Variants in RARG observed in about 807,000 individuals in gnomAD.
RARG encodes the protein RAR-gamma.
A neutral mutation model predicts 43.7 loss-of-function variants in RARG; 17 were observed. That is an observed-to-expected ratio of 0.39 (90% CI 0.27 to 0.58). The LOEUF (loss-of-function observed/expected upper bound fraction) is 0.58, where lower values mean the gene tolerates loss of function less well. RARG is among the 20% of genes least tolerant of loss of function. The pLI, the probability that RARG is intolerant of heterozygous loss-of-function variation, is 0.57. For synonymous variants in RARG, 238 were observed against 236.4 expected, an observed-to-expected ratio of 1.01 and a Z score of -0.06; for missense variants, 346 against 598.7, an observed-to-expected ratio of 0.58 and a Z score of 4.40.
Position 53,215,227 on chromosome 12 carries a change from G to A in RARG, c.475+66C>T. On this transcript the variant is annotated intron_variant, in intron 5 of 9. Transcript: ENST00000425354. The surrounding 1 kb of genome is among the most constrained non-coding windows in gnomAD (Gnocchi z 6.4). ...GTCAGGGAAGTGGGAGTGGCCAGAGGAAAGAGGGCCACAGCCATAGGGTAG... is the reference window on the plus strand; with the variant it reads ...GTCAGGGAAGTGGGAGTGGCCAGAGAAAAGAGGGCCACAGCCATAGGGTAG... 2 of 1,576,730 alleles carry A rather than the reference G, an allele frequency of 1.3e-6. No individual in the cohort carries two copies. Among genetic ancestry groups the A allele is most frequent in the African/African-American group, 1.3e-5 (1 of 74,442 alleles).
At chr12:53,219,259 C>T (rs966634292) in intron 3 of RARG, among the ~76,000 whole-genome samples, 6 of 152,258 alleles carry the variant, frequency 3.9e-5, no homozygotes, top group East Asian at 3.8e-4. Flanking sequence ...ACCGCATACA[C>T]GTTTCCAAAC....
At position 53,211,968 on chromosome 12, in the gene RARG, G is replaced by GCCCA; in HGVS notation, c.1178-109_1178-106dup. On this transcript the variant is annotated intron_variant, in intron 9 of 9. Coordinates refer to ENST00000425354, the MANE Select transcript of RARG (RefSeq NM_000966.6). This position sits in a 1 kb window ranked among gnomAD's most constrained non-coding sequence, Gnocchi z 4.6. ...ACTGCCCCTGACTCCCCTAGGGGGC[G>GCCCA]CCCAGCACAGGCCCACCACCTCTCC... 1 of 848,172 alleles carries GCCCA rather than the reference G, an allele frequency of 1.2e-6. No individual in the cohort carries two copies. The highest frequency in any genetic ancestry group is 1.6e-6 in the Non-Finnish European group (1 of 618,178). The allele number at this position is 848,172 out of a possible 1,614,324, so 52.5% of individuals were successfully genotyped here.
intron 3 of RARG, among the ~76,000 whole-genome samples, chr12:53,226,617 C>CTT (rs35671935): frequency 8.0e-5 from 10 of 125,216 alleles, no homozygotes; most frequent in African/African-American, 2.7e-4. Flanking sequence ...GAGCCTTTTT[C>CTT]TTTTTTTTTT....
intron 3 of RARG, chr12:53,219,860 T>C: frequency 8.0e-7 from 1 of 1,252,202 alleles, no homozygotes. Flanking sequence ...AAGCTCCTCC[T>C]TGCACCTCAG....
intron 9 of RARG, 140 bp downstream of exon 9, chr12:53,212,945 A>T: frequency 9.4e-7 from 1 of 1,065,004 alleles, no homozygotes; most frequent in Non-Finnish European, 1.3e-6. Flanking sequence ...GTCTCCCACT[A>T]CTATGTGGCA....
In RARG at chr12:53,225,998, C is replaced by A. The variant is rs143647100; in HGVS notation, c.184+1364G>T. Among the ~76,000 whole-genome samples the A allele has an allele frequency of 2.0e-4, 31 of 152,364 alleles. No individual in the cohort carries two copies. In the East Asian group the frequency reaches 6.0e-3, roughly 29 times the overall value. Reference sequence around the variant, plus strand: ...GGATTACTTATGGTACAAAAGCTACCTCCTTTGCAGTCATTTCCATCCTCC... The same window carrying A: ...GGATTACTTATGGTACAAAAGCTACATCCTTTGCAGTCATTTCCATCCTCC... On this transcript the variant is annotated intron_variant, in intron 3 of 9. Transcript: ENST00000425354.
At chr12:53,216,848 G>GCA (rs1382785555) in intron 3 of RARG, among the ~76,000 whole-genome samples, 4 of 118,474 alleles carry the variant, frequency 3.4e-5, no homozygotes, top group East Asian at 2.0e-4. Context: ...GTGTGCGCGC[G>GCA]CGCGCGCGCG....
At chr12:53,218,162 A>G (rs1460281948) in intron 3 of RARG, among the ~76,000 whole-genome samples, 2 of 152,066 alleles carry the variant, frequency 1.3e-5, no homozygotes, top group Non-Finnish European at 2.9e-5. Context: ...CAGCCTGCCA[A>G]CGCAGCACCA....
In RARG at chr12:53,215,192, A is replaced by C. The variant is rs573295274; in HGVS notation, c.475+101T>G. On this transcript the variant is annotated intron_variant, in intron 5 of 9. Coordinates refer to ENST00000425354, the MANE Select transcript of RARG (RefSeq NM_000966.6). This position sits in a 1 kb window ranked among gnomAD's most constrained non-coding sequence, Gnocchi z 6.4. ...GAAGGCAGCACCCCAGGGCAGGCCA[A>C]GTCTCAGAGGTCAGGGAAGTGGGAG... The C allele has an allele frequency of 1.3e-4, 188 of 1,472,314 alleles. No individual in the cohort carries two copies. The South Asian group carries it at 1.8e-3, about 14-fold the overall frequency. The allele number at this position is 1,472,314 out of a possible 1,614,324, so 91.2% of individuals were successfully genotyped here. A position where few individuals can be genotyped will look rare whatever the true frequency, so the allele number is the denominator to read the frequency against.
In RARG at chr12:53,211,717, G is replaced by A. The variant is rs766890278; in HGVS notation, c.1324C>T (p.Pro442Ser). The part of the protein sequence containing the change: ...HPNASSEDEV[P>S]GGQGKGGLKS... ...AGGCCCCCTTTGCCCTGGCCCCCAG[G>A]AACCTCATCCTCGCTAGAGGCATTG... Residue 442 changes from proline to serine, a missense_variant, in exon 10 of 10, where the codon CCT becomes TCT. By Grantham distance (74) the Pro-to-Ser change is moderately conservative. Coordinates refer to ENST00000425354, the MANE Select transcript of RARG (RefSeq NM_000966.6). This position sits in a 1 kb window ranked among gnomAD's most constrained non-coding sequence, Gnocchi z 4.6. 26 of 1,562,640 alleles carry A rather than the reference G, an allele frequency of 1.7e-5. 1 individual carries two copies. The South Asian group carries it at 3.0e-4, about 18-fold the overall frequency.
intron 3 of RARG, chr12:53,220,441 T>G (rs1942925278): frequency 7.8e-6 from 6 of 769,506 alleles, no homozygotes; most frequent in South Asian, 2.6e-5. Context: ...GGCACCGAGA[T>G]GAGCAAAGCT....
At chr12:53,221,498 C>A (rs1453648393) in intron 3 of RARG, among the ~76,000 whole-genome samples, 1 of 152,178 alleles carries the variant, frequency 6.6e-6, no homozygotes, top group Admixed American at 6.5e-5. Context: ...TCTTTAAATA[C>A]CCTCTAGCCT....
intron 5 of RARG, 117 bp from the exon 6 acceptor site, chr12:53,214,723 T>C (rs1254478384): frequency 2.7e-6 from 3 of 1,118,478 alleles, no homozygotes; most frequent in East Asian, 2.6e-5. Context: ...TCTCTGGCAC[T>C]GTAATTACTG....
chr12:53,230,414 G>A (rs750104458), intron 2 of RARG, among the ~76,000 whole-genome samples: 6 of 151,834 alleles, frequency 4.0e-5, no homozygotes, highest in African/African-American at 7.3e-5. Flanking sequence ...CTCTCCACCC[G>A]CTGCCCCCCT....
chr12:53,214,210 T>C lies in RARG; in HGVS notation c.662A>G (p.Gln221Arg), dbSNP rs1236591003. Residue 221 changes from glutamine to arginine, a missense_variant, in exon 7 of 10, where the codon CAG becomes CGG. Transcript: ENST00000425354. ...TTNSSADHRVQLDLGLWDKFS... is the reference protein window; with the variant it reads ...TTNSSADHRVRLDLGLWDKFS... ...CTTGTCCCACAGCCCCAGATCCAGC[T>C]GCACGCGGTGGTCTGCACTGGAGTT... 6.2e-7 allele frequency: 1 copy of C among 1,613,614 alleles called. No homozygotes were observed. Among genetic ancestry groups the C allele is most frequent in the Admixed American group, 1.7e-5 (1 of 60,012 alleles).
intron 3 of RARG, among the ~76,000 whole-genome samples, chr12:53,218,029 C>A (rs1266096390): frequency 6.6e-6 from 1 of 152,100 alleles, no homozygotes; most frequent in Non-Finnish European, 1.5e-5. Flanking sequence ...AGACACACAG[C>A]CAGAATAGAG....
chr12:53,213,072 A>C lies in RARG; in HGVS notation c.1177+13T>G. The C allele has an allele frequency of 6.2e-7, 1 of 1,605,406 alleles. No individual in the cohort carries two copies. The highest frequency in any genetic ancestry group is 8.5e-7 in the Non-Finnish European group (1 of 1,174,982). ...CTGGGAAGACAGAGAGGGGACACCC[A>C]CTCATGACTCACCCTTAGTGCTGAT... On this transcript the variant is annotated intron_variant, in intron 9 of 9. Transcript: ENST00000425354. This position sits in a 1 kb window ranked among gnomAD's most constrained non-coding sequence, Gnocchi z 4.7.
chr12:53,222,293 AAGAAAGAG>A (rs1321854506), intron 3 of RARG, among the ~76,000 whole-genome samples: 1 of 138,954 alleles, frequency 7.2e-6, no homozygotes, highest in African/African-American at 3.2e-5. Flanking sequence ...AAGGAGGAGA[AAGAAAGAG>A]AGAGAGAGAG....
At chr12:53,219,853 C>T (rs1942899176) in intron 3 of RARG, 1 of 1,182,742 alleles carries the variant, frequency 8.5e-7, no homozygotes, top group Non-Finnish European at 1.2e-6. Flanking sequence ...GGGCCAGAAG[C>T]TCCTCCTTGC....
Sources: gnomAD v4.1 joint callset for allele counts (sites outside exome capture counted in the v4.1 genomes callset) on GRCh38, gnomAD v4.1.1 for gene constraint, Gnocchi (gnomAD v3.1) non-coding constraint, MANE v1.5 for transcripts, NCBI Gene and HGNC (gene_info 2026-07-23, HGNC 2026-07-21) for gene names.